TARBP1: variants seen among roughly 807,000 people sequenced by gnomAD.
The protein encoded by TARBP1 is tRNA guanosine 2 -O-methyltransferase TARBP1, also known as tRNA (guanosine(18)-2'-O)-methyltransferase TARBP1.
TARBP1 carries 144 observed loss-of-function variants against 178.6 expected under a neutral mutation model. That is an observed-to-expected ratio of 0.81 (90% confidence interval 0.70 to 0.93). The LOEUF is 0.93. Ranked by LOEUF, TARBP1 falls within the 40% of genes least tolerant of loss-of-function variation. The pLI, the probability that TARBP1 is intolerant of heterozygous loss-of-function variation, is 0.00. For synonymous variants in TARBP1, 787 were observed against 781.0 expected, an observed-to-expected ratio of 1.01 and a Z score of -0.13; for missense variants, 2,067 against 2,011.7, an observed-to-expected ratio of 1.03 and a Z score of -0.53.
intron 7 of TARBP1, 117 bp downstream of exon 7, chr1:234,460,144 C>T: frequency 1.7e-6 from 2 of 1,180,674 alleles, no homozygotes; most frequent in South Asian, 4.6e-5. Context: ...GCCCAAACAT[C>T]CCAATCCCAA....
intron 1 of TARBP1, among the ~76,000 whole-genome samples, chr1:234,476,739 C>G (rs541212325): frequency 2.6e-5 from 4 of 152,146 alleles, no homozygotes; most frequent in Non-Finnish European, 5.9e-5. Context: ...TTAACTGTGA[C>G]AATATATTTT....
chr1:234,393,473 G>GGTCCTGCACA lies in TARBP1; in HGVS notation c.4439_4448dup (p.Cys1484ValfsTer5). On this transcript the variant is annotated frameshift_variant, in exon 28 of 30. Coordinates refer to ENST00000040877, the MANE Select transcript of TARBP1 (RefSeq NM_005646.4). LOFTEE classifies it high-confidence loss of function. ...GCACTGAAGCCCCAAATACCTCACA[G>GGTCCTGCACA]GTCCTGCACAGTCCTGCACAGAACA... is the stretch of plus-strand genomic sequence containing the variant. The GGTCCTGCACA allele has an allele frequency of 1.2e-6, 2 of 1,602,810 alleles. No individual in the cohort carries two copies. Among genetic ancestry groups the GGTCCTGCACA allele is most frequent in the African/African-American group, 1.3e-5 (1 of 74,368 alleles).
chr1:234,416,113 G>A (rs1478200364), intron 22 of TARBP1, among the ~76,000 whole-genome samples: 1 of 152,192 alleles, frequency 6.6e-6, no homozygotes, highest in African/African-American at 2.4e-5. Context: ...AGTTTTGGGG[G>A]TACACCAGAA....
intron 23 of TARBP1, 113 bp downstream of exon 23, chr1:234,410,332 G>T: frequency 1.6e-6 from 1 of 624,112 alleles, no homozygotes; most frequent in Non-Finnish European, 2.8e-6. Context: ...GCAGTGGAAA[G>T]GAAAGGGAAA....
At chr1:234,444,077 G>C (rs1488796774) in intron 12 of TARBP1, among the ~76,000 whole-genome samples, 1 of 152,190 alleles carries the variant, frequency 6.6e-6, no homozygotes, top group Non-Finnish European at 1.5e-5. Context: ...CTATGTCACA[G>C]AACTGTACAC....
intron 21 of TARBP1, among the ~76,000 whole-genome samples, chr1:234,419,515 T>C (rs1017917794): frequency 6.6e-6 from 1 of 152,172 alleles, no homozygotes; most frequent in Non-Finnish European, 1.5e-5. Flanking sequence ...CCATAAGATA[T>C]AACAGTTTAC....
chr1:234,424,033 C>T (rs961481379), intron 20 of TARBP1, among the ~76,000 whole-genome samples: 3 of 152,200 alleles, frequency 2.0e-5, no homozygotes, highest in African/African-American at 7.2e-5. Flanking sequence ...GGACATCTTC[C>T]TTGACTCCAA....
At position 234,421,821 on chromosome 1, in the gene TARBP1, G is replaced by A. The variant is rs186455623; in HGVS notation, c.3445-1009C>T. 2.0e-3 allele frequency among the ~76,000 whole-genome samples: 300 copies of A among 152,290 alleles called. 1 individual carries two copies. Among genetic ancestry groups the A allele is most frequent in the African/African-American group, 6.1e-3 (253 of 41,576 alleles). On this transcript the variant is annotated intron_variant, in intron 20 of 29. Transcript: ENST00000040877. The stretch of plus-strand genomic sequence containing the variant: ...GTCAACATTCTCAAATGTCTTAAAG[G>A]TGAAAAGTCATTCACCACCTCCAAA...
At chr1:234,459,180 C>G in intron 8 of TARBP1, 50 bp downstream of exon 8, 1 of 1,415,750 alleles carries the variant, frequency 7.1e-7, no homozygotes, top group Non-Finnish European at 9.8e-7. Flanking sequence ...TTCTGTACAC[C>G]CACTCACTAA....
chr1:234,425,026 A>G (rs977570373), intron 20 of TARBP1, among the ~76,000 whole-genome samples: 3 of 150,088 alleles, frequency 2.0e-5, no homozygotes, highest in Non-Finnish European at 4.4e-5. Context: ...GCACCTTCGC[A>G]CTCCAGCCTG....
chr1:234,435,684 G>A (rs1485448208), intron 13 of TARBP1, among the ~76,000 whole-genome samples: 1 of 152,174 alleles, frequency 6.6e-6, no homozygotes, highest in Non-Finnish European at 1.5e-5. Context: ...TTCAGGTGTG[G>A]TTGAGCATAT....
intron 3 of TARBP1, among the ~76,000 whole-genome samples, chr1:234,468,862 T>G (rs534060310): frequency 6.6e-6 from 1 of 151,780 alleles, no homozygotes; most frequent in Non-Finnish European, 1.5e-5. Flanking sequence ...GATGTCATCA[T>G]AAGACAGGCC....
intron 1 of TARBP1, among the ~76,000 whole-genome samples, chr1:234,474,532 G>A (rs925732499): frequency 2.0e-5 from 3 of 152,128 alleles, no homozygotes; most frequent in Admixed American, 6.6e-5. Flanking sequence ...TATCAAAACT[G>A]TGAAATTTCA....
intron 9 of TARBP1, among the ~76,000 whole-genome samples, chr1:234,455,368 C>G (rs1365926185): frequency 6.6e-6 from 1 of 152,162 alleles, no homozygotes; most frequent in East Asian, 1.9e-4. Context: ...TTTATTGTGG[C>G]ATTGTCTGTA....
rs545856540 is a variant in TARBP1, at chr1:234,399,075, T to G, written c.4072-522A>C. Among the ~76,000 whole-genome samples, 4 of 152,342 alleles carry G rather than the reference T, an allele frequency of 2.6e-5. No individual in the cohort carries two copies. The South Asian group carries it at 6.2e-4, about 24-fold the overall frequency. ...AACTTCCTCATTTGTAAGACGAGGA[T>G]AAAATCAGATTACAACAACATATTA... On this transcript the variant is annotated intron_variant, in intron 25 of 29. Coordinates refer to ENST00000040877, the MANE Select transcript of TARBP1 (RefSeq NM_005646.4).
chr1:234,401,347 G>C (rs946462705), intron 24 of TARBP1, 85 bp from the exon 25 acceptor site: 18 of 1,033,876 alleles, frequency 1.7e-5, no homozygotes, highest in Middle Eastern at 2.1e-4. Flanking sequence ...TTAAAGGGTG[G>C]CTGCAGAGTT....
In TARBP1 at chr1:234,463,855, G is replaced by A; in HGVS notation, c.1381C>T (p.Leu461Phe). 1.3e-6 allele frequency: 2 copies of A among 1,578,094 alleles called. No homozygotes were observed. The highest frequency in any genetic ancestry group is 1.8e-5 in the Admixed American group (1 of 54,970). Residue 461 changes from leucine to phenylalanine, a missense_variant, in exon 6 of 30, where the codon CTT (leucine) becomes TTT (phenylalanine). Transcript: ENST00000040877. ...QKFLVTYISL[L>F]PEEIKSSFLL... Reference sequence around the variant, plus strand: ...CACATACTCTTTATTTCTTCTGGAAGAAGAGAAATATAAGTGACTAAAAAC... The same window carrying A: ...CACATACTCTTTATTTCTTCTGGAAAAAGAGAAATATAAGTGACTAAAAAC...
At position 234,442,212 on chromosome 1, in the gene TARBP1, G is replaced by A. The variant is rs1366157337; in HGVS notation, c.2134+4591C>T. 3.9e-5 allele frequency among the ~76,000 whole-genome samples: 6 copies of A among 152,244 alleles called. No homozygotes were observed. The South Asian group carries it at 6.2e-4, about 16-fold the overall frequency. On this transcript the variant is annotated intron_variant, in intron 12 of 29. Transcript: ENST00000040877. ...TTCTCAGTCGTAATACCTACTGCAC[G>A]ATCCATAAAACAAAACAAAAATAAA...
chr1:234,467,550 C>T lies in TARBP1; in HGVS notation c.1200G>A (p.Leu400=). The T allele has an allele frequency of 4.4e-6, 7 of 1,605,140 alleles. No individual in the cohort carries two copies. Among genetic ancestry groups the T allele is most frequent in the Non-Finnish European group, 5.1e-6 (6 of 1,177,490 alleles). The change falls in exon 4 of 30, where the codon TTG becomes TTA. Residue 400 remains leucine (L), a synonymous_variant. Coordinates refer to ENST00000040877, the MANE Select transcript of TARBP1 (RefSeq NM_005646.4). ...ILSKEGVIHF[L]ELYETKILPF... is the part of the protein sequence containing the mutation. ...GAAGAATCTTTGTTTCATACAGCTCCAAAAAATGGATAACACCTTCTTTGG... is the reference window on the plus strand; with the variant it reads ...GAAGAATCTTTGTTTCATACAGCTCTAAAAAATGGATAACACCTTCTTTGG...
Sources: allele counts gnomAD v4.1 joint callset (sites outside exome capture counted in the v4.1 genomes callset), GRCh38; gene constraint gnomAD v4.1.1; transcripts MANE v1.5; gene names NCBI Gene and HGNC (gene_info 2026-07-23, HGNC 2026-07-21).